Variants in SI observed in about 807,000 individuals in gnomAD.
SI encodes the protein sucrase-isomaltase, intestinal.
In SI, 235 loss-of-function variants were observed where a neutral mutation model predicts 253.3. The observed-to-expected ratio is 0.93, with a 90% CI of 0.83 to 1.03. SI has a LOEUF of 1.03. SI is among the 50% of genes least tolerant of loss of function. The pLI, the probability that SI is intolerant of heterozygous loss-of-function variation, is 0.00. For missense variants in SI, 2,442 were observed against 2,211.1 expected, an observed-to-expected ratio of 1.10 and a Z score of -2.09; for synonymous variants, 819 against 712.0, an observed-to-expected ratio of 1.15 and a Z score of -2.39.
intron 25 of SI, among the ~76,000 whole-genome samples, chr3:165,029,839 G>A (rs1417288709): frequency 1.3e-5 from 2 of 150,232 alleles, no homozygotes; most frequent in Non-Finnish European, 1.5e-5. Flanking sequence ...GTTTAGAGAA[G>A]TGAACTTCAC....
chr3:165,038,024 C>A lies in SI; in HGVS notation c.2302G>T (p.Gly768Cys). Residue 768 changes from glycine to cysteine, a missense_variant and splice_region_variant, in exon 21 of 48, where the codon GGT (glycine) becomes TGT (cysteine). Gly to Cys is a radical substitution (Grantham distance 159, BLOSUM62 -3). Transcript: ENST00000264382. ...PDAIWYDYES[G>C]AKRPWRKQRV... ...TGTTTCCTCCATGGCCTTTTTGCAC[C>A]CTAATAATTGGAAGATTAAAAACAT... 2 of 1,582,200 alleles carry A rather than the reference C, an allele frequency of 1.3e-6. No individual in the cohort carries two copies. The highest frequency in any genetic ancestry group is 8.7e-7 in the Non-Finnish European group (1 of 1,152,026).
At chr3:165,022,365 T>C (rs931994583) in intron 26 of SI, among the ~76,000 whole-genome samples, 13 of 151,764 alleles carry the variant, frequency 8.6e-5, no homozygotes, top group African/African-American at 3.1e-4. Context: ...GCAGCTAAAT[T>C]TATTTTAGGC....
At chr3:165,004,830 G>A (rs898073767) in intron 37 of SI, among the ~76,000 whole-genome samples, 1 of 152,118 alleles carries the variant, frequency 6.6e-6, no homozygotes, top group Admixed American at 6.5e-5. Flanking sequence ...TGAGGGGAAA[G>A]CAAGTGTTAT....
chr3:165,036,815 T>G (rs1030391534), intron 21 of SI, among the ~76,000 whole-genome samples: 6 of 151,736 alleles, frequency 4.0e-5, no homozygotes, highest in Non-Finnish European at 8.8e-5. Context: ...AAGGCTCAAC[T>G]CAACCTGTGT....
chr3:164,990,916 G>A (rs139993281), intron 44 of SI, among the ~76,000 whole-genome samples: 1 of 151,942 alleles, frequency 6.6e-6, no homozygotes, highest in East Asian at 1.9e-4. Flanking sequence ...AAAATGAATA[G>A]CATTGGACGG....
intron 20 of SI, among the ~76,000 whole-genome samples, chr3:165,038,577 A>C (rs1476998590): frequency 1.3e-5 from 2 of 151,606 alleles, no homozygotes; most frequent in Admixed American, 6.6e-5. Flanking sequence ...AAATAAATAA[A>C]TATTGCTCAA....
At position 165,016,027 on chromosome 3, in the gene SI, A is replaced by C. The variant is rs1055165432; in HGVS notation, c.3813T>G (p.Ile1271Met). 10 of 1,612,314 alleles carry C rather than the reference A, an allele frequency of 6.2e-6. No homozygotes were observed. The highest frequency in any genetic ancestry group is 8.5e-6 in the Non-Finnish European group (10 of 1,178,656). Residue 1271 changes from isoleucine to methionine, a missense_variant, in exon 32 of 48, where the codon ATT becomes ATG. By Grantham distance (10) the Ile-to-Met change is conservative. Coordinates refer to ENST00000264382, the MANE Select transcript of SI (RefSeq NM_001041.4). ...DYMERQLDFT[I>M]GEAFQDLPQF... Reference sequence around the variant, plus strand: ...GAGGAAGGTCCTGGAATGCTTCACCAATTGTAAAGTCTAGCTGCCTTTCCA... The same window carrying C: ...GAGGAAGGTCCTGGAATGCTTCACCCATTGTAAAGTCTAGCTGCCTTTCCA...
chr3:164,996,626 A>G lies in SI; in HGVS notation c.4601T>C (p.Phe1534Ser), dbSNP rs1236832078. Residue 1534 changes from phenylalanine to serine, a missense_variant, in exon 40 of 48, where the codon TTC becomes TCC. By Grantham distance (155) the Phe-to-Ser change is radical. Transcript: ENST00000264382. Reference sequence around the variant, plus strand: ...ACAGAGATGATATTCTGAGTTGTTGAAAAAACCACAGATGTCTGCTCCAGT... The same window carrying G: ...ACAGAGATGATATTCTGAGTTGTTGGAAAAACCACAGATGTCTGCTCCAGT... ...SYTGADICGFFNNSEYHLCTR... is the reference protein window; with the variant it reads ...SYTGADICGFSNNSEYHLCTR... 2 of 1,604,228 alleles carry G rather than the reference A, an allele frequency of 1.2e-6. No individual in the cohort carries two copies. The highest frequency in any genetic ancestry group is 1.7e-6 in the Non-Finnish European group (2 of 1,171,854).
Position 165,067,343 on chromosome 3 carries a change from GT to G in SI, c.631del (p.Thr211LeufsTer10). On this transcript the variant is annotated frameshift_variant, in exon 6 of 48. Coordinates refer to ENST00000264382, the MANE Select transcript of SI (RefSeq NM_001041.4). LOFTEE classifies it high-confidence loss of function. ...IQVIRKSNGK[T>X]LFDTSIGPLV... ...AATTGTAAAATAATACACTTACAAAGTTTTACCGTTGCTTTTCCTAATAACT... is the reference window on the plus strand; with the variant it reads ...AATTGTAAAATAATACACTTACAAAGTTTACCGTTGCTTTTCCTAATAACT... 1 of 1,605,746 alleles carries G rather than the reference GT, an allele frequency of 6.2e-7. No homozygotes were observed. Among genetic ancestry groups the G allele is most frequent in the African/African-American group, 1.3e-5 (1 of 74,816 alleles).
chr3:165,082,984 CAT>C (rs1305751459), upstream of SI, among the ~76,000 whole-genome samples: 1 of 151,882 alleles, frequency 6.6e-6, no homozygotes, highest in Non-Finnish European at 1.5e-5. Context: ...AATTCAGTAA[CAT>C]AGTTGCCAGG....
intron 9 of SI, among the ~76,000 whole-genome samples, chr3:165,061,996 A>G (rs1031311397): frequency 4.6e-5 from 7 of 151,992 alleles, no homozygotes; most frequent in Admixed American, 6.6e-5. Context: ...TTTGACCAAA[A>G]GGATATATGA....
chr3:165,012,419 T>G (rs1352809446), intron 34 of SI, among the ~76,000 whole-genome samples: 1 of 152,096 alleles, frequency 6.6e-6, no homozygotes, highest in Admixed American at 6.6e-5. Context: ...AATAATTTTT[T>G]GTCGTTGTTG....
Position 164,979,094 on chromosome 3 carries a change from G to A in SI, c.*268C>T. 1 of 332,744 alleles carries A rather than the reference G, an allele frequency of 3.0e-6. No homozygotes were observed. 20.6% of individuals were successfully genotyped at this position (332,744 alleles called of 1,614,324 possible). ...TCTTAGCTATTTACATACATGTTTA[G>A]TAACTAGTTTACAATTGTAGCTGAT... is the stretch of plus-strand genomic sequence containing the variant. On this transcript the variant is annotated 3_prime_UTR_variant, in exon 48 of 48. Coordinates refer to ENST00000264382, the MANE Select transcript of SI (RefSeq NM_001041.4).
Position 165,042,235 on chromosome 3 carries a change from G to A in SI, c.2004+824C>T, listed in dbSNP as rs148863606. ...ACACATTTTCTGAAAGTATCATTTC[G>A]GTGTATTAGGAAGAAACTAATCTCC... On this transcript the variant is annotated intron_variant, in intron 17 of 47. Transcript: ENST00000264382. 1.6e-3 allele frequency among the ~76,000 whole-genome samples: 249 copies of A among 152,046 alleles called. 2 individuals are homozygous for A. The highest frequency in any genetic ancestry group is 5.9e-3 in the African/African-American group (244 of 41,498).
intron 5 of SI, among the ~76,000 whole-genome samples, chr3:165,068,030 TC>T (rs1714337291): frequency 6.6e-6 from 1 of 151,870 alleles, no homozygotes; most frequent in African/African-American, 2.4e-5. Flanking sequence ...TACTTCCAAA[TC>T]CAAAATATTT....
At chr3:165,070,716 A>G (rs1349262294) in intron 3 of SI, among the ~76,000 whole-genome samples, 1 of 152,124 alleles carries the variant, frequency 6.6e-6, no homozygotes, top group Non-Finnish European at 1.5e-5. Context: ...TACATAATTA[A>G]AAATATATAG....
intron 25 of SI, among the ~76,000 whole-genome samples, chr3:165,029,902 C>T (rs1712145018): frequency 6.7e-6 from 1 of 150,250 alleles, no homozygotes; most frequent in Non-Finnish European, 1.5e-5. Context: ...TTTTTCTGTT[C>T]TTATATTCTT....
At chr3:165,059,780 G>T in intron 10 of SI, 122 bp downstream of exon 10, 2 of 1,004,376 alleles carry the variant, frequency 2.0e-6, no homozygotes, top group Non-Finnish European at 3.0e-6. Context: ...CAATTAAAAG[G>T]CAGCCTCTTA....
intron 47 of SI, among the ~76,000 whole-genome samples, chr3:164,980,714 GA>G (rs1056820747): frequency 1.3e-5 from 2 of 151,766 alleles, no homozygotes; most frequent in East Asian, 1.9e-4. Context: ...AAAGAGAATA[GA>G]AAAAAATGAT....
Sources: allele counts gnomAD v4.1 joint callset (sites outside exome capture counted in the v4.1 genomes callset), GRCh38; gene constraint gnomAD v4.1.1; transcripts MANE v1.5; gene names NCBI Gene and HGNC (gene_info 2026-07-23, HGNC 2026-07-21).